The following CTNNA3 variants were observed in gnomAD, a reference collection of about 807,000 sequenced individuals.
CTNNA3 encodes catenin alpha-3.
CTNNA3 carries 76 observed loss-of-function variants against 95.7 expected under a neutral mutation model. That is an observed-to-expected ratio of 0.79 (90% CI 0.66 to 0.96). The LOEUF is 0.96. CTNNA3 is among the 40% of genes least tolerant of loss of function. The pLI, the probability that CTNNA3 is intolerant of heterozygous loss-of-function variation, is 0.00. For synonymous variants in CTNNA3, 431 were observed against 374.4 expected (o/e 1.15, Z -1.74); for missense variants, 1,191 against 1,089.8 (o/e 1.09, Z -1.31).
At chr10:66,650,395 C>T (rs186531952) in intron 9 of CTNNA3, among the ~76,000 whole-genome samples, 2 of 152,190 alleles carry the variant, frequency 1.3e-5, no homozygotes, top group East Asian at 3.9e-4. Context: ...ATATATGAAA[C>T]TTAAACAATA....
intron 13 of CTNNA3, among the ~76,000 whole-genome samples, chr10:66,124,707 G>A (rs151325674): frequency 4.5e-4 from 68 of 152,162 alleles, no homozygotes; most frequent in African/African-American, 1.4e-3. Context: ...GGAAGAGCAC[G>A]TCACATCTTA....
chr10:66,994,989 TG>T (rs2132950926), intron 7 of CTNNA3, among the ~76,000 whole-genome samples: 1 of 152,300 alleles, frequency 6.6e-6, no homozygotes, highest in East Asian at 1.9e-4. Context: ...CTGCTACTTC[TG>T]TCCTGGTATT....
chr10:66,771,263 T>C (rs1052481716), intron 8 of CTNNA3, among the ~76,000 whole-genome samples: 3 of 152,182 alleles, frequency 2.0e-5, no homozygotes, highest in Admixed American at 2.0e-4. Context: ...AAATACAAAT[T>C]TTAGCCTGCC....
At chr10:66,924,580 G>A (rs1767143001) in intron 7 of CTNNA3, among the ~76,000 whole-genome samples, 1 of 152,156 alleles carries the variant, frequency 6.6e-6, no homozygotes, top group African/African-American at 2.4e-5. Context: ...AGGCAAGACT[G>A]AGTAAATCTC....
At chr10:67,196,124 A>T (rs185069462) in intron 6 of CTNNA3, among the ~76,000 whole-genome samples, 207 of 152,214 alleles carry the variant, frequency 1.4e-3, no homozygotes, top group Middle Eastern at 3.4e-3. Context: ...ATTTTTCCTT[A>T]TGATTACCAA....
intron 13 of CTNNA3, among the ~76,000 whole-genome samples, chr10:66,173,208 T>TA (rs955723937): frequency 6.6e-6 from 1 of 152,090 alleles, no homozygotes; most frequent in Non-Finnish European, 1.5e-5. Context: ...TGTGGAACCT[T>TA]AAAAAACATC....
rs2076975726 is a variant in CTNNA3 at position 65,913,889 on chromosome 10, G to C, written c.*6441C>G. The C allele has an allele frequency of 6.6e-6, 1 of 152,050 alleles. No individual in the cohort carries two copies. The highest frequency in any genetic ancestry group is 3.2e-3 in the Middle Eastern group (1 of 316). 9.4% of individuals were successfully genotyped at this position (152,050 alleles called of 1,614,324 possible). A position where few individuals can be genotyped will look rare whatever the true frequency, so the allele number is the denominator to read the frequency against. On this transcript the variant is annotated 3_prime_UTR_variant, in exon 18 of 18. Transcript: ENST00000433211. ...TGGGGAACTGATGTGACATACCTAA[G>C]GTTGGCCTGAGTCTGCAGAAGCTGG...
At chr10:66,018,187 T>TACACACACACAC (rs59373779) in intron 15 of CTNNA3, among the ~76,000 whole-genome samples, 20,017 of 141,922 alleles carry the variant, frequency 0.14, 1,522 homozygotes, top group South Asian at 0.22. Context: ...ACAGCTCAAA[T>TACACACACACAC]ACACACACAC....
chr10:66,501,359 A>G (rs1033968592), intron 11 of CTNNA3, among the ~76,000 whole-genome samples: 38 of 152,308 alleles, frequency 2.5e-4, no homozygotes, highest in African/African-American at 9.1e-4. Flanking sequence ...TCACAGAATT[A>G]CTTTGTTGAT....
intron 13 of CTNNA3, among the ~76,000 whole-genome samples, chr10:66,134,977 T>A (rs1189885278): frequency 6.6e-6 from 1 of 152,082 alleles, no homozygotes; most frequent in African/African-American, 2.4e-5. Flanking sequence ...ATTCTGAAAA[T>A]ATTTTGTGTG....
intron 4 of CTNNA3, among the ~76,000 whole-genome samples, chr10:67,539,289 T>G (rs917374954): frequency 3.3e-5 from 5 of 152,178 alleles, no homozygotes; most frequent in Non-Finnish European, 7.3e-5. Flanking sequence ...AAGCAAGCCA[T>G]CTCCTGTTTA....
At chr10:66,869,356 G>A (rs1008688049) in intron 7 of CTNNA3, among the ~76,000 whole-genome samples, 6 of 151,950 alleles carry the variant, frequency 3.9e-5, no homozygotes, top group South Asian at 2.1e-4. Context: ...TTGGGAGGCC[G>A]AGGCTCTTGT....
At chr10:66,371,631 C>T (rs186720249) in intron 12 of CTNNA3, among the ~76,000 whole-genome samples, 1 of 152,222 alleles carries the variant, frequency 6.6e-6, no homozygotes, top group East Asian at 1.9e-4. Flanking sequence ...TTCTCTGGGT[C>T]CTTTTGCTTC....
rs932037814 is a variant in CTNNA3 at position 67,005,884 on chromosome 10, C to T, written c.1047+174433G>A. Among the ~76,000 whole-genome samples, 6 of 151,550 alleles carry T rather than the reference C, an allele frequency of 4.0e-5. No individual in the cohort carries two copies. In the South Asian group the frequency reaches 1.3e-3, roughly 32 times the overall value. ...TATTTTTAGTAGAGGCAGGGTATCA[C>T]CATGTTGGCTAGGCTGGTCTCAAAC... On this transcript the variant is annotated intron_variant, in intron 7 of 17. Transcript: ENST00000433211.
chr10:66,895,914 CAA>C (rs869248195), intron 7 of CTNNA3, among the ~76,000 whole-genome samples: 28,617 of 79,492 alleles, frequency 0.36, 2,266 homozygotes, highest in East Asian at 0.49. Context: ...CCTGTCTCTA[CAA>C]AAAAAAAAAA....
intron 11 of CTNNA3, among the ~76,000 whole-genome samples, chr10:66,400,421 G>A (rs1366089260): frequency 6.6e-6 from 1 of 151,972 alleles, no homozygotes; most frequent in East Asian, 1.9e-4. Context: ...ATTATAAATG[G>A]GTTATTGACT....
rs115397184 is a variant in CTNNA3, at chr10:67,124,503, C to A, written c.1047+55814G>T. ...TTGTCACATGGAGAATAACCAATTT[C>A]TAGTCACTTGTCATGGGTGCATAAC... On this transcript the variant is annotated intron_variant, in intron 7 of 17. Transcript: ENST00000433211. Among the ~76,000 whole-genome samples the A allele has an allele frequency of 1.5e-3, 228 of 152,250 alleles. 1 individual carries two copies. The highest frequency in any genetic ancestry group is 5.3e-3 in the African/African-American group (219 of 41,560).
chr10:66,577,630 G>T (rs1205660064), intron 10 of CTNNA3, among the ~76,000 whole-genome samples: 2 of 151,942 alleles, frequency 1.3e-5, no homozygotes, highest in African/African-American at 4.8e-5. Context: ...AAGGACAGGT[G>T]GTTGTAGGTT....
chr10:67,504,551 G>T (rs1589368277), intron 5 of CTNNA3, among the ~76,000 whole-genome samples: 1 of 151,924 alleles, frequency 6.6e-6, no homozygotes, highest in Non-Finnish European at 1.5e-5. Flanking sequence ...ACTAGGCCAG[G>T]TGTTTGGAGT....
Sources: gnomAD v4.1 joint callset for allele counts (sites outside exome capture counted in the v4.1 genomes callset) on GRCh38, gnomAD v4.1.1 for gene constraint, MANE v1.5 for transcripts, NCBI Gene and HGNC (gene_info 2026-07-23, HGNC 2026-07-21) for gene names.